The following CUBN variants were observed in gnomAD, a reference collection of about 807,000 sequenced individuals.
CUBN encodes the protein 460 kDa receptor.
CUBN carries 282 observed loss-of-function variants against 405.3 expected under a neutral mutation model. That is an observed-to-expected ratio of 0.70 (90% CI 0.63 to 0.77). The LOEUF (loss-of-function observed/expected upper bound fraction) is 0.77, where lower values mean the gene tolerates loss of function less well. Among genes scored for constraint, CUBN ranks in the 30% least tolerant of loss-of-function variants. The pLI is 0.00. For missense variants in CUBN, 4,514 were observed against 4,475.2 expected (o/e 1.01, Z -0.25); for synonymous variants, 1,684 against 1,617.0 (o/e 1.04, Z -0.99).
chr10:16,952,146 G>T, intron 33 of CUBN, 130 bp downstream of exon 33: 1 of 706,690 alleles, frequency 1.4e-6, no homozygotes, highest in Admixed American at 2.0e-5. Context: ...ATCAGGAATT[G>T]GGACTTGCAA....
intron 56 of CUBN, among the ~76,000 whole-genome samples, chr10:16,879,556 T>G (rs1381727483): frequency 1.3e-5 from 2 of 152,250 alleles, no homozygotes; most frequent in Non-Finnish European, 2.9e-5. Flanking sequence ...GTTAGAATAC[T>G]CTTCCTACAA....
At chr10:16,911,574 T>A (rs1428013649) in intron 48 of CUBN, among the ~76,000 whole-genome samples, 4 of 152,212 alleles carry the variant, frequency 2.6e-5, no homozygotes, top group Non-Finnish European at 4.4e-5. Context: ...ACAAGTAAGA[T>A]CTGCTTTGGA....
intron 65 of CUBN, 116 bp downstream of exon 65, chr10:16,831,136 A>G: frequency 2.2e-6 from 2 of 908,090 alleles, no homozygotes; most frequent in South Asian, 2.8e-5. Context: ...TCTATTCTTA[A>G]CATAAACTAA....
intron 31 of CUBN, among the ~76,000 whole-genome samples, chr10:16,971,437 T>G (rs1832931204): frequency 6.6e-6 from 1 of 152,200 alleles, no homozygotes. Context: ...AGACCTCCTG[T>G]CCCCTTAAGT....
intron 36 of CUBN, among the ~76,000 whole-genome samples, chr10:16,945,202 C>T (rs1374892470): frequency 6.9e-6 from 1 of 145,766 alleles, no homozygotes; most frequent in Non-Finnish European, 1.5e-5. Flanking sequence ...AGGAAAAGAC[C>T]AAAAAAAAAA....
intron 60 of CUBN, among the ~76,000 whole-genome samples, chr10:16,846,178 T>C (rs1474324769): frequency 6.6e-6 from 1 of 152,250 alleles, no homozygotes; most frequent in African/African-American, 2.4e-5. Context: ...TTGTTTGGTT[T>C]AGAAATGTTT....
intron 50 of CUBN, among the ~76,000 whole-genome samples, chr10:16,905,638 G>T (rs1490645656): frequency 6.6e-6 from 1 of 152,130 alleles, no homozygotes; most frequent in Admixed American, 6.5e-5. Flanking sequence ...GCCGGGAAAC[G>T]AAGTGACTGT....
At chr10:17,092,092 C>T (rs71495246) in intron 14 of CUBN, among the ~76,000 whole-genome samples, 2 of 151,950 alleles carry the variant, frequency 1.3e-5, no homozygotes, top group African/African-American at 2.4e-5. Flanking sequence ...AGGGACGATA[C>T]GGAGAAAACC....
intron 59 of CUBN, among the ~76,000 whole-genome samples, chr10:16,862,770 C>G (rs1266372989): frequency 6.6e-6 from 1 of 152,050 alleles, no homozygotes; most frequent in Non-Finnish European, 1.5e-5. Flanking sequence ...ATAATTTAAC[C>G]CAAAATAACC....
At chr10:16,968,811 A>G (rs774590555) in intron 31 of CUBN, among the ~76,000 whole-genome samples, 2 of 152,268 alleles carry the variant, frequency 1.3e-5, no homozygotes, top group African/African-American at 2.4e-5. Context: ...TGCTGACCAG[A>G]CAAGGCCATG....
chr10:17,102,622 T>TTTA (rs1165747510), intron 13 of CUBN, among the ~76,000 whole-genome samples: 17 of 127,530 alleles, frequency 1.3e-4, no homozygotes, highest in African/African-American at 5.0e-4. Context: ...TTTTTTTTTT[T>TTTA]GTGAGATGGA....
At position 16,895,874 on chromosome 10, in the gene CUBN, T is replaced by A. The variant is rs1841166797; in HGVS notation, c.8598+3122A>T. ...CTAACTAAACTATTTACAATTATAC[T>A]GATATATATCAGTTCTGTGTCTACA... is the stretch of plus-strand genomic sequence containing the variant. On this transcript the variant is annotated intron_variant, in intron 54 of 66. Coordinates refer to ENST00000377833, the MANE Select transcript of CUBN (RefSeq NM_001081.4). Among the ~76,000 whole-genome samples, 5 of 152,228 alleles carry A rather than the reference T, an allele frequency of 3.3e-5. No homozygotes were observed. In the South Asian group the frequency reaches 1.0e-3, roughly 31 times the overall value.
At position 17,104,602 on chromosome 10, in the gene CUBN, T is replaced by C. The variant is rs748933632; in HGVS notation, c.1234A>G (p.Thr412Ala). The change falls in exon 12 of 67, where the codon ACT becomes GCT. Residue 412 changes from threonine (T) to alanine (A), a missense_variant. Physicochemically the swap from Thr to Ala is moderately conservative, Grantham distance 58. Transcript: ENST00000377833. ...HPCLNGQCID[T>A]VSGYFCKCDS... is the part of the protein sequence containing the mutation. ...CACTTACAAAAATAACCAGAGACAG[T>C]GTCCTAAGGGGAAAAAAAACACATA... 1.2e-5 allele frequency: 19 copies of C among 1,612,312 alleles called. No homozygotes were observed. In the Admixed American group the frequency reaches 3.2e-4, roughly 27 times the overall value.
intron 31 of CUBN, among the ~76,000 whole-genome samples, chr10:16,971,020 T>C (rs1053032527): frequency 2.6e-5 from 4 of 152,178 alleles, no homozygotes; most frequent in South Asian, 2.1e-4. Flanking sequence ...CAAATTGTTA[T>C]AGAAGTTTTG....
At chr10:16,841,910 CA>C (rs11354893) in intron 60 of CUBN, among the ~76,000 whole-genome samples, 25,271 of 92,952 alleles carry the variant, frequency 0.27, 2,597 homozygotes, top group East Asian at 0.51. Context: ...AAGACTGTCT[CA>C]AAAAAAAAAA....
intron 14 of CUBN, among the ~76,000 whole-genome samples, chr10:17,099,271 T>C (rs1351451387): frequency 1.3e-5 from 2 of 152,094 alleles, no homozygotes; most frequent in Admixed American, 6.6e-5. Context: ...GTTTAAAACT[T>C]GCATAGTAAA....
chr10:16,890,635 A>G (rs1840978204), intron 54 of CUBN, 108 bp from the exon 55 acceptor site: 1 of 1,070,006 alleles, frequency 9.3e-7, no homozygotes, highest in South Asian at 1.3e-5. Context: ...AACTAAGCAT[A>G]AGAGTAAACA....
At chr10:17,039,738 C>T (rs968138630) in intron 27 of CUBN, among the ~76,000 whole-genome samples, 10 of 152,128 alleles carry the variant, frequency 6.6e-5, no homozygotes, top group Non-Finnish European at 1.2e-4. Context: ...AAGTTTGTTT[C>T]ATGTTGTGTC....
chr10:16,922,177 T>A (rs1160430715), intron 43 of CUBN, among the ~76,000 whole-genome samples: 1 of 152,106 alleles, frequency 6.6e-6, no homozygotes, highest in East Asian at 1.9e-4. Context: ...CCTGATACAG[T>A]GTCTGTCCCA....
Sources: gnomAD v4.1 joint callset for allele counts (sites outside exome capture counted in the v4.1 genomes callset) on GRCh38, gnomAD v4.1.1 for gene constraint, MANE v1.5 for transcripts, NCBI Gene and HGNC (gene_info 2026-07-23, HGNC 2026-07-21) for gene names.